Variants in UBR4 observed in about 807,000 individuals in gnomAD.
UBR4 encodes E3 ubiquitin-protein ligase UBR4.
A neutral mutation model predicts 575.6 loss-of-function variants in UBR4; 124 were observed. The observed-to-expected ratio is 0.22, with a 90% CI of 0.19 to 0.25. The LOEUF (loss-of-function observed/expected upper bound fraction) is 0.25. Ranked by LOEUF, UBR4 falls within the 10% of genes least tolerant of loss-of-function variation. The pLI is 1.00. For missense variants in UBR4, 4,818 were observed against 6,478.8 expected (o/e 0.74, Z 8.80); for synonymous variants, 2,455 against 2,473.7 (o/e 0.99, Z 0.22).
At chr1:19,116,019 T>C (rs141233646) in intron 73 of UBR4, among the ~76,000 whole-genome samples, 1 of 152,258 alleles carries the variant, frequency 6.6e-6, no homozygotes, top group African/African-American at 2.4e-5. Context: ...AAACCCAGGC[T>C]ATTTTAGAGA....
rs755303712 is a variant in UBR4 at position 19,186,630 on chromosome 1, C to A, written c.1660G>T (p.Gly554Cys). The A allele has an allele frequency of 6.2e-7, 1 of 1,614,056 alleles. No homozygotes were observed. The highest frequency in any genetic ancestry group is 1.1e-5 in the South Asian group (1 of 91,066). Reference protein sequence around the residue: ...KACVLQRQRKGSMSSDASAST... With the variant: ...KACVLQRQRKCSMSSDASAST... ...GCGCTGGCATCGCTGCTCATGGAGC[C>A]CTTCCTCTGCCGCTGCAGGACACAT... Residue 554 changes from glycine (G) to cysteine (C), a missense_variant, in exon 14 of 106, where the codon GGC (glycine) becomes TGC (cysteine). Coordinates refer to ENST00000375254, the MANE Select transcript of UBR4 (RefSeq NM_020765.3).
intron 51 of UBR4, 78 bp downstream of exon 51, chr1:19,147,915 T>C (rs567890900): frequency 6.9e-4 from 1,073 of 1,558,446 alleles, no homozygotes; most frequent in Non-Finnish European, 8.8e-4. Context: ...TTTGCTGTGC[T>C]GTTGCTTTAC....
chr1:19,175,063 G>A (rs375705531), intron 20 of UBR4, 30 bp from the exon 21 acceptor site: 69 of 1,588,956 alleles, frequency 4.3e-5, no homozygotes, highest in Non-Finnish European at 4.7e-5. Context: ...TTAAAAGAAT[G>A]GTTCCATTCT....
chr1:19,128,383 G>T, intron 61 of UBR4, 65 bp from the exon 62 acceptor site: 2 of 1,386,082 alleles, frequency 1.4e-6, no homozygotes, highest in Admixed American at 1.7e-5. Context: ...GAAATACGGG[G>T]TGTTTCAGAA....
chr1:19,194,364 T>C (rs77140558), intron 8 of UBR4, among the ~76,000 whole-genome samples: 2,993 of 152,264 alleles, frequency 0.02, 41 homozygotes, highest in South Asian at 0.056. Context: ...GGTGCATGCC[T>C]CTAGTTCCAG....
At chr1:19,148,166 A>G (rs373357555) in intron 50 of UBR4, 39 bp from the exon 51 acceptor site, 25 of 1,577,278 alleles carry the variant, frequency 1.6e-5, no homozygotes, top group Non-Finnish European at 2.2e-5. Context: ...TAACCCCACC[A>G]ACTCAAGGCA....
rs778870401 is a variant in UBR4 at position 19,168,184 on chromosome 1, G to A, written c.3742C>T (p.Arg1248Cys). ...ATGGTGTCATTGGCAAAGGCATTGC[G>A]CTGAAAGGAAGCAAAGCAGATGTAA... The part of the protein sequence containing the change: ...TNEFPNIGSW[R>C]NAFANDTIPS... Residue 1248 changes from arginine (R) to cysteine (C), a missense_variant and splice_region_variant, in exon 28 of 106, where the codon CGC becomes TGC. By Grantham distance (180) the Arg-to-Cys change is radical (BLOSUM62 -3). Around this residue, in one of 29 missense-constraint regions of UBR4, gnomAD observed 1,172 missense variants for 1,259.7 expected, o/e 0.93. Transcript: ENST00000375254. The A allele has an allele frequency of 9.5e-6, 15 of 1,572,162 alleles. No homozygotes were observed. The highest frequency in any genetic ancestry group is 8.1e-5 in the African/African-American group (6 of 73,900).
chr1:19,159,416 T>C (rs2086937925), intron 39 of UBR4, among the ~76,000 whole-genome samples: 1 of 152,216 alleles, frequency 6.6e-6, no homozygotes, highest in Non-Finnish European at 1.5e-5. Flanking sequence ...CATTATTTTG[T>C]AAGTTAGATG....
intron 103 of UBR4, chr1:19,078,333 CG>C (rs1297308491): frequency 2.5e-5 from 9 of 363,034 alleles, no homozygotes; most frequent in East Asian, 2.2e-4. Flanking sequence ...AAAATGGAAC[CG>C]GGGGAGACAT....
rs772817709 is a variant in UBR4, at chr1:19,093,838, G to A, written c.13937+111C>T. On this transcript the variant is annotated intron_variant, in intron 95 of 105. Coordinates refer to ENST00000375254, the MANE Select transcript of UBR4 (RefSeq NM_020765.3). The surrounding 1 kb of genome is among the most constrained non-coding windows in gnomAD (Gnocchi z 4.8). ...GACTGAGCTCCTTAAAAGCCAGAAC[G>A]AGGACACAAAAATCTAATAGGTATT... The A allele has an allele frequency of 1.9e-4, 247 of 1,267,442 alleles. No individual in the cohort carries two copies. The highest frequency in any genetic ancestry group is 2.4e-4 in the Non-Finnish European group (221 of 925,876). 78.5% of individuals were successfully genotyped at this position (1,267,442 alleles called of 1,614,324 possible).
At chr1:19,179,491 A>G (rs1346463450) in intron 17 of UBR4, among the ~76,000 whole-genome samples, 4 of 152,236 alleles carry the variant, frequency 2.6e-5, no homozygotes, top group Non-Finnish European at 5.9e-5. Context: ...AGAGAAAAGC[A>G]TTGAGATACC....
At position 19,156,382 on chromosome 1, in the gene UBR4, C is replaced by T; in HGVS notation, c.5961G>A (p.Ser1987=). 10 of 1,614,128 alleles carry T rather than the reference C, an allele frequency of 6.2e-6. No homozygotes were observed. Among genetic ancestry groups the T allele is most frequent in the East Asian group, 4.5e-5 (2 of 44,874 alleles). The stretch of plus-strand genomic sequence containing the variant: ...ACTGAGGGTGCAAAACCAAGTGATC[C>T]GAAACAGAGCCTGAGCTACTAAAGG... The part of the protein sequence containing the change: ...VLTFSSSGSV[S]DHLVLHPQLA... The change falls in exon 42 of 106, where the codon TCG becomes TCA. Residue 1987 remains serine, a synonymous_variant. Coordinates refer to ENST00000375254, the MANE Select transcript of UBR4 (RefSeq NM_020765.3).
rs998209128 is a variant in UBR4 at position 19,083,482 on chromosome 1, C to T, written c.15008+1022G>A. Among the ~76,000 whole-genome samples the T allele has an allele frequency of 2.0e-5, 3 of 152,160 alleles. No homozygotes were observed. In the East Asian group the frequency reaches 5.8e-4, roughly 29 times the overall value. ...GTAAGCCTCTTGCTAGGAGATGGGG[C>T]CTACAAGCATGAAACAGTGAATTAA... On this transcript the variant is annotated intron_variant, in intron 102 of 105. Coordinates refer to ENST00000375254, the MANE Select transcript of UBR4 (RefSeq NM_020765.3).
Position 19,152,282 on chromosome 1 carries a change from G to C in UBR4, c.6996+31C>G. On this transcript the variant is annotated intron_variant, in intron 47 of 105. Coordinates refer to ENST00000375254, the MANE Select transcript of UBR4 (RefSeq NM_020765.3). This position sits in a 1 kb window ranked among gnomAD's most constrained non-coding sequence, Gnocchi z 4.4. Reference sequence around the variant, plus strand: ...CATATTGTTTGAGTCCTTCTACCCAGGGATTGATCCCAGCCCAGTGCCATT... The same window carrying C: ...CATATTGTTTGAGTCCTTCTACCCACGGATTGATCCCAGCCCAGTGCCATT... 6.2e-7 allele frequency: 1 copy of C among 1,612,032 alleles called. No homozygotes were observed. Among genetic ancestry groups the C allele is most frequent in the Non-Finnish European group, 8.5e-7 (1 of 1,178,334 alleles).
Position 19,117,469 on chromosome 1 carries a change from T to C in UBR4, c.10630-55A>G, listed in dbSNP as rs2080673994. On this transcript the variant is annotated intron_variant, in intron 72 of 105. Transcript: ENST00000375254. This position sits in a 1 kb window ranked among gnomAD's most constrained non-coding sequence, Gnocchi z 4.0. ...TTAGTTCAAGACTCGTACTGCCTTT[T>C]TAAAAATTCATCAGTGTAACCCACT... The C allele has an allele frequency of 6.3e-7, 1 of 1,576,540 alleles. No homozygotes were observed. The highest frequency in any genetic ancestry group is 1.1e-5 in the South Asian group (1 of 89,304).
rs1412901240 is a variant in UBR4 at position 19,139,324 on chromosome 1, T to C, written c.8594-104A>G. On this transcript the variant is annotated intron_variant, in intron 58 of 105. Coordinates refer to ENST00000375254, the MANE Select transcript of UBR4 (RefSeq NM_020765.3). The surrounding 1 kb of genome is among the most constrained non-coding windows in gnomAD (Gnocchi z 4.2). The stretch of plus-strand genomic sequence containing the variant: ...CTTGGGATGAAAGCATCAAACCACA[T>C]AGTGCATAGGACACAATGCAGTTTA... The C allele has an allele frequency of 2.1e-6, 3 of 1,434,734 alleles. No individual in the cohort carries two copies. Among genetic ancestry groups the C allele is most frequent in the Non-Finnish European group, 2.8e-6 (3 of 1,081,656 alleles). The allele number at this position is 1,434,734 out of a possible 1,614,324, so 88.9% of individuals were successfully genotyped here.
At chr1:19,092,767 G>A in intron 97 of UBR4, 52 bp downstream of exon 97, 2 of 1,442,914 alleles carry the variant, frequency 1.4e-6, no homozygotes, top group Non-Finnish European at 1.9e-6. Context: ...GTAAACTAGG[G>A]TAGTTATACT....
Position 19,199,759 on chromosome 1 carries a change from G to A in UBR4, c.275-5C>T. 2 of 1,613,430 alleles carry A rather than the reference G, an allele frequency of 1.2e-6. 1 individual carries two copies. The highest frequency in any genetic ancestry group is 2.2e-5 in the South Asian group (2 of 91,068). Reference sequence around the variant, plus strand: ...ACTGAAGTTGGTTCCGGGGAACTGAGAAAGTAATAAACATTACTCAATTTC... The same window carrying A: ...ACTGAAGTTGGTTCCGGGGAACTGAAAAAGTAATAAACATTACTCAATTTC... On this transcript the variant is annotated splice_polypyrimidine_tract_variant and splice_region_variant and intron_variant, in intron 2 of 105. Transcript: ENST00000375254.
intron 65 of UBR4, among the ~76,000 whole-genome samples, chr1:19,124,307 G>A (rs1351848743): frequency 6.6e-6 from 1 of 152,118 alleles, no homozygotes; most frequent in Non-Finnish European, 1.5e-5. Context: ...TTATCAGCAC[G>A]TGAGGCGAAG....
Sources: allele counts gnomAD v4.1 joint callset (sites outside exome capture counted in the v4.1 genomes callset), GRCh38; gene constraint gnomAD v4.1.1; regional missense constraint gnomAD v4.1.1; non-coding constraint Gnocchi (gnomAD v3.1); transcripts MANE v1.5; gene names NCBI Gene and HGNC (gene_info 2026-07-23, HGNC 2026-07-21).